STMND1: variants seen among roughly 807,000 people sequenced by gnomAD.
STMND1 encodes stathmin domain-containing protein 1.
A neutral mutation model predicts 23.0 loss-of-function variants in STMND1; 17 were observed. The ratio of observed to expected loss-of-function variants is 0.74; its 90% CI spans 0.51 to 1.11. The LOEUF (loss-of-function observed/expected upper bound fraction) is 1.11, where lower values mean the gene tolerates loss of function less well. Ranked by LOEUF, STMND1 falls within the 50% of genes least tolerant of loss-of-function variation. STMND1 has a pLI of 0.00. For synonymous variants in STMND1, 114 were observed against 119.9 expected (o/e 0.95, Z 0.32); for missense variants, 305 against 329.1 (o/e 0.93, Z 0.57).
chr6:17,128,327 AGTT>A (rs1406833309), intron 3 of STMND1: 3 of 152,224 alleles, frequency 2.0e-5, no homozygotes, highest in African/African-American at 4.8e-5. Context: ...CCCAGAACAG[AGTT>A]GTTGTTCAGT....
rs151013104 is a variant in STMND1 at position 17,111,778 on chromosome 6, T to C, written c.82-3184T>C. 7.9e-5 allele frequency among the ~76,000 whole-genome samples: 12 copies of C among 152,282 alleles called. 1 individual carries two copies. In the East Asian group the frequency reaches 2.3e-3, roughly 29 times the overall value. On this transcript the variant is annotated intron_variant, in intron 1 of 4. Coordinates refer to ENST00000536551, the MANE Select transcript of STMND1 (RefSeq NM_001190766.2). ...ACAGAATACCATGGAAGGGGTAAAT[T>C]TTAAAATACAGAAATTTCTTTCTCA... is the stretch of plus-strand genomic sequence containing the variant.
intron 1 of STMND1, among the ~76,000 whole-genome samples, chr6:17,113,766 C>G (rs745504133): frequency 6.6e-6 from 1 of 151,928 alleles, no homozygotes; most frequent in Non-Finnish European, 1.5e-5. Context: ...CCACATCCAG[C>G]CTGTATTACT....
At chr6:17,104,020 T>C (rs1760982115) in intron 1 of STMND1, among the ~76,000 whole-genome samples, 1 of 152,154 alleles carries the variant, frequency 6.6e-6, no homozygotes, top group Non-Finnish European at 1.5e-5. Flanking sequence ...CCCTCTAATG[T>C]CATCCTCTTC....
intron 1 of STMND1, chr6:17,110,610 A>C: frequency 3.1e-6 from 1 of 325,398 alleles, no homozygotes; most frequent in Non-Finnish European, 6.1e-6. Context: ...TCTACTAAAA[A>C]TACAAAAATT....
intron 3 of STMND1, among the ~76,000 whole-genome samples, chr6:17,125,952 C>T (rs1448753500): frequency 6.9e-6 from 1 of 144,160 alleles, no homozygotes; most frequent in African/African-American, 2.6e-5. Context: ...GAACTGGTAA[C>T]TTCTGTAGGT....
intron 1 of STMND1, among the ~76,000 whole-genome samples, chr6:17,112,045 A>C (rs1485626782): frequency 6.6e-6 from 1 of 152,238 alleles, no homozygotes; most frequent in Admixed American, 6.5e-5. Flanking sequence ...CATTCAAATC[A>C]TAGCATCCAT....
intron 1 of STMND1, among the ~76,000 whole-genome samples, chr6:17,104,018 T>A (rs1392158962): frequency 6.6e-6 from 1 of 152,166 alleles, no homozygotes; most frequent in Admixed American, 6.5e-5. Context: ...GTCCCTCTAA[T>A]GTCATCCTCT....
chr6:17,127,432 C>T (rs980186855), intron 3 of STMND1, among the ~76,000 whole-genome samples: 4 of 152,298 alleles, frequency 2.6e-5, no homozygotes, highest in African/African-American at 9.6e-5. Context: ...CACCTGTAAT[C>T]CCAGCTACTT....
At chr6:17,129,020 T>C (rs2113496484) in intron 3 of STMND1, 92 bp from the exon 4 acceptor site, 2 of 1,340,642 alleles carry the variant, frequency 1.5e-6, no homozygotes, top group African/African-American at 2.9e-5. Flanking sequence ...GACTAGAATT[T>C]ACATTTTAAA....
chr6:17,116,497 T>C (rs1211686958), intron 2 of STMND1, among the ~76,000 whole-genome samples: 1 of 152,084 alleles, frequency 6.6e-6, no homozygotes, highest in African/African-American at 2.4e-5. Context: ...TGGAGTGCAA[T>C]GGTGCAATCT....
At chr6:17,120,951 C>T (rs1221004125) in intron 3 of STMND1, among the ~76,000 whole-genome samples, 193 bp downstream of exon 3, 1 of 152,230 alleles carries the variant, frequency 6.6e-6, no homozygotes, top group Non-Finnish European at 1.5e-5. Flanking sequence ...TGTGCTCCCA[C>T]CCAAATCTCA....
At chr6:17,111,402 A>G (rs1384240802) in intron 1 of STMND1, among the ~76,000 whole-genome samples, 1 of 152,194 alleles carries the variant, frequency 6.6e-6, no homozygotes, top group African/African-American at 2.4e-5. Context: ...GGATGGGTTC[A>G]CGGGTTCACA....
chr6:17,120,702 G>A lies in STMND1; in HGVS notation c.355G>A (p.Gly119Arg), dbSNP rs760931406. 9 of 1,535,244 alleles carry A rather than the reference G, an allele frequency of 5.9e-6. No individual in the cohort carries two copies. In the South Asian group the frequency reaches 8.3e-5, roughly 14 times the overall value. Residue 119 changes from glycine (G) to arginine (R), a missense_variant, in exon 3 of 5, where the codon GGA becomes AGA. Transcript: ENST00000536551. Reference protein sequence around the residue: ...SDILEELIVQGIIQSHSKVFR... With the variant: ...SDILEELIVQRIIQSHSKVFR... ...TATCCTGGAGGAACTAATTGTTCAAGGAATTATACAAAGCCACAGCAAAGT... is the reference window on the plus strand; with the variant it reads ...TATCCTGGAGGAACTAATTGTTCAAAGAATTATACAAAGCCACAGCAAAGT...
chr6:17,104,077 T>C (rs1179620921), intron 1 of STMND1, among the ~76,000 whole-genome samples: 1 of 152,140 alleles, frequency 6.6e-6, no homozygotes, highest in East Asian at 1.9e-4. Context: ...TTGGATCTGC[T>C]AAACCAAATG....
chr6:17,112,177 T>A (rs535590762), intron 1 of STMND1, among the ~76,000 whole-genome samples: 1 of 152,292 alleles, frequency 6.6e-6, no homozygotes, highest in African/African-American at 2.4e-5. Context: ...AATCAATAAA[T>A]CTATCTTCTG....
intron 3 of STMND1, among the ~76,000 whole-genome samples, chr6:17,123,430 G>A (rs2113490225): frequency 6.6e-6 from 1 of 152,242 alleles, no homozygotes; most frequent in African/African-American, 2.4e-5. Flanking sequence ...AGACCAGGCA[G>A]CAACACACAG....
intron 3 of STMND1, among the ~76,000 whole-genome samples, chr6:17,125,626 G>C (rs1204737319): frequency 6.6e-6 from 1 of 152,160 alleles, no homozygotes; most frequent in Non-Finnish European, 1.5e-5. Flanking sequence ...TTAAGGAGGA[G>C]GAAGTTGACT....
chr6:17,109,261 G>T (rs1343018661), intron 1 of STMND1, among the ~76,000 whole-genome samples: 2 of 152,114 alleles, frequency 1.3e-5, no homozygotes, highest in Admixed American at 1.3e-4. Context: ...ATGTAGCCCT[G>T]AGACACAGAA....
Position 17,130,768 on chromosome 6 carries a change from A to T in STMND1, c.718A>T (p.Arg240Trp). Residue 240 changes from arginine (R) to tryptophan (W), a missense_variant, in exon 5 of 5, where the codon AGG becomes TGG. Physicochemically the swap from Arg to Trp is moderately radical, Grantham distance 101. Coordinates refer to ENST00000536551, the MANE Select transcript of STMND1 (RefSeq NM_001190766.2). ...CCTGCAGGGAGGAAAACCATTGAAG[A>T]GGAAGAAGAGTAAATGTGATGCAAC... ...SDLQGGKPLK[R>W]KKSKCDATLI... The T allele has an allele frequency of 6.5e-7, 1 of 1,536,082 alleles. No individual in the cohort carries two copies. The highest frequency in any genetic ancestry group is 8.7e-7 in the Non-Finnish European group (1 of 1,146,906).
Sources: allele counts gnomAD v4.1 joint callset (sites outside exome capture counted in the v4.1 genomes callset), GRCh38; gene constraint gnomAD v4.1.1; transcripts MANE v1.5; gene names NCBI Gene and HGNC (gene_info 2026-07-23, HGNC 2026-07-21).